The following MYOF variants were observed in gnomAD, a reference collection of about 807,000 sequenced individuals.
The protein encoded by MYOF is myoferlin.
A neutral mutation model predicts 284.2 loss-of-function variants in MYOF; 244 were observed. The observed-to-expected ratio is 0.86, with a 90% CI of 0.77 to 0.95. The LOEUF is 0.95. Ranked by LOEUF, MYOF falls within the 40% of genes least tolerant of loss-of-function variation. The pLI is 0.00. For missense variants in MYOF, 2,496 were observed against 2,560.6 expected, an observed-to-expected ratio of 0.97 and a Z score of 0.54; for synonymous variants, 904 against 919.7, an observed-to-expected ratio of 0.98 and a Z score of 0.31.
At chr10:93,326,373 C>T (rs1014571835) in intron 45 of MYOF, among the ~76,000 whole-genome samples, 10 of 152,122 alleles carry the variant, frequency 6.6e-5, no homozygotes, top group African/African-American at 2.2e-4. Context: ...CCCATAAATC[C>T]CTCCTGGGTA....
chr10:93,306,799 G>A lies in MYOF; in HGVS notation c.*164C>T. The stretch of plus-strand genomic sequence containing the variant: ...TGATGCAAACGTTGCTTGTTGGCCT[G>A]ACTTTCCAGGACTAAGACCCTCTGG... On this transcript the variant is annotated 3_prime_UTR_variant, in exon 54 of 54. Coordinates refer to ENST00000359263, the MANE Select transcript of MYOF (RefSeq NM_013451.4). 1.4e-6 allele frequency: 1 copy of A among 694,060 alleles called. No individual in the cohort carries two copies. Among genetic ancestry groups the A allele is most frequent in the Middle Eastern group, 2.5e-4 (1 of 4,062 alleles). 43.0% of individuals were successfully genotyped at this position (694,060 alleles called of 1,614,324 possible).
intron 51 of MYOF, among the ~76,000 whole-genome samples, chr10:93,311,365 TTTGGGAGGCTGAG>T (rs774804522): frequency 1.3e-4 from 20 of 152,062 alleles, no homozygotes; most frequent in Non-Finnish European, 2.9e-4. Flanking sequence ...ATCCCAGTGC[TTTGGGAGGCTGAG>T]GCGGGAGGAT....
intron 18 of MYOF, 92 bp downstream of exon 18, chr10:93,388,938 C>T: frequency 6.7e-7 from 1 of 1,487,354 alleles, no homozygotes; most frequent in Non-Finnish European, 9.1e-7. Context: ...GAGTATGAAA[C>T]TTCTATCCTG....
At chr10:93,376,741 T>C (rs1429173817) in intron 22 of MYOF, among the ~76,000 whole-genome samples, 1 of 152,182 alleles carries the variant, frequency 6.6e-6, no homozygotes, top group Non-Finnish European at 1.5e-5. Flanking sequence ...TTGATTTCCA[T>C]ATGCTAAAAG....
Position 93,306,810 on chromosome 10 carries a change from A to C in MYOF, c.*153T>G, listed in dbSNP as rs186309977. The C allele has an allele frequency of 7.6e-4, 589 of 775,118 alleles. 3 individuals carry two copies. The African/African-American group carries it at 9.7e-3, about 13-fold the overall frequency. The allele number at this position is 775,118 out of a possible 1,614,324, so 48.0% of individuals were successfully genotyped here. A position where few individuals can be genotyped will look rare whatever the true frequency, so the allele number is the denominator to read the frequency against. On this transcript the variant is annotated 3_prime_UTR_variant, in exon 54 of 54. Coordinates refer to ENST00000359263, the MANE Select transcript of MYOF (RefSeq NM_013451.4). ...TTGCTTGTTGGCCTGACTTTCCAGG[A>C]CTAAGACCCTCTGGGAATCAATGGG...
chr10:93,335,997 T>C lies in MYOF; in HGVS notation c.4487A>G (p.Asp1496Gly), dbSNP rs778465404. The C allele has an allele frequency of 4.3e-6, 7 of 1,614,044 alleles. No homozygotes were observed. The highest frequency in any genetic ancestry group is 2.2e-5 in the South Asian group (2 of 91,072). Residue 1496 changes from aspartate to glycine, a missense_variant, in exon 41 of 54, where the codon GAC becomes GGC. Physicochemically the swap from Asp to Gly is moderately conservative, Grantham distance 94. Transcript: ENST00000359263. Reference sequence around the variant, plus strand: ...GTACAACTTGAACGTATCTGAGAAGTCTGTCAGGCCCTCAAATTCTGCTAC... The same window carrying C: ...GTACAACTTGAACGTATCTGAGAAGCCTGTCAGGCCCTCAAATTCTGCTAC... The part of the protein sequence containing the change: ...ENVAEFEGLT[D>G]FSDTFKLYRG...
chr10:93,374,887 C>T lies in MYOF; in HGVS notation c.2177G>A (p.Arg726Gln), dbSNP rs41296137. 1.4e-4 allele frequency: 218 copies of T among 1,614,106 alleles called. No individual in the cohort carries two copies. Among genetic ancestry groups the T allele is most frequent in the Admixed American group, 2.2e-4 (13 of 60,018 alleles). Residue 726 changes from arginine (R) to glutamine (Q), a missense_variant, in exon 23 of 54, where the codon CGG (arginine) becomes CAG (glutamine). Transcript: ENST00000359263. The part of the protein sequence containing the change: ...TVLDTQIRKL[R>Q]SRSLSQIHEA... ...ATGTATTTGGGAGAGAGACCTGGACCGCAGCTTTCGGATCTGAGTATCGAG... is the reference window on the plus strand; with the variant it reads ...ATGTATTTGGGAGAGAGACCTGGACTGCAGCTTTCGGATCTGAGTATCGAG...
At chr10:93,369,305 A>C (rs35769104) in intron 25 of MYOF, among the ~76,000 whole-genome samples, 36,418 of 151,332 alleles carry the variant, frequency 0.24, 5,747 homozygotes, top group East Asian at 0.85. Context: ...CAGCATCAGG[A>C]ACCAATAAGA....
chr10:93,363,624 C>T (rs1038707684), intron 27 of MYOF, among the ~76,000 whole-genome samples: 4 of 152,228 alleles, frequency 2.6e-5, no homozygotes, highest in African/African-American at 4.8e-5. Flanking sequence ...TATGATCGCA[C>T]CACTGCGTTC....
chr10:93,404,245 T>G, intron 7 of MYOF, 26 bp from the exon 8 acceptor site: 1 of 1,612,010 alleles, frequency 6.2e-7, no homozygotes, highest in Non-Finnish European at 8.5e-7. Context: ...AGCAGATGTT[T>G]AAATGTTAAC....
At chr10:93,480,724 C>T (rs1346521863) in intron 1 of MYOF, among the ~76,000 whole-genome samples, 1 of 152,110 alleles carries the variant, frequency 6.6e-6, no homozygotes, top group Non-Finnish European at 1.5e-5. Flanking sequence ...GATCCACCCA[C>T]CTCAGCCTCC....
At chr10:93,384,646 GAAA>G (rs74741758) in intron 19 of MYOF, among the ~76,000 whole-genome samples, 100 of 142,668 alleles carry the variant, frequency 7.0e-4, no homozygotes, top group Middle Eastern at 3.6e-3. Context: ...CTCTGTCTCA[GAAA>G]AAAAAAAAAA....
intron 1 of MYOF, among the ~76,000 whole-genome samples, chr10:93,472,205 G>T (rs1380629885): frequency 2.0e-5 from 3 of 152,184 alleles, no homozygotes; most frequent in African/African-American, 4.8e-5. Context: ...TCAGAGAGTT[G>T]CTAAGAACCT....
intron 19 of MYOF, among the ~76,000 whole-genome samples, chr10:93,386,204 T>C (rs1483988697): frequency 6.6e-6 from 1 of 152,218 alleles, no homozygotes; most frequent in African/African-American, 2.4e-5. Flanking sequence ...CACGGAGGCC[T>C]CCAAGTGGTT....
chr10:93,482,151 G>C lies in MYOF; in HGVS notation c.44C>G (p.Thr15Arg). 6.2e-7 allele frequency: 1 copy of C among 1,614,128 alleles called. No individual in the cohort carries two copies. Among genetic ancestry groups the C allele is most frequent in the South Asian group, 1.1e-5 (1 of 91,084 alleles). The change falls in exon 1 of 54, where the codon ACG becomes AGG. Residue 15 changes from threonine to arginine, a missense_variant. Physicochemically the swap from Thr to Arg is moderately conservative, Grantham distance 71. This residue lies in a region of MYOF where 57 missense variants were observed against 62.4 expected (regional missense o/e 0.91). Coordinates refer to ENST00000359263, the MANE Select transcript of MYOF (RefSeq NM_013451.4). Reference protein sequence around the residue: ...IVESASNIPKTKFGKPDPIVS... With the variant: ...IVESASNIPKRKFGKPDPIVS... ...AATAGGATCCGGCTTGCCAAATTTC[G>C]TTTTAGGGATATTGCTGGCAGATTC...
At chr10:93,390,941 G>A (rs148467725) in intron 17 of MYOF, among the ~76,000 whole-genome samples, 1 of 152,294 alleles carries the variant, frequency 6.6e-6, no homozygotes, top group African/African-American at 2.4e-5. Flanking sequence ...GATGCAACTT[G>A]TCAAAAGTCC....
In MYOF at chr10:93,392,955, T is replaced by A; in HGVS notation, c.1418A>T (p.Asp473Val). ...AGCCCCAGTTCCCGAAGATGAGAAA[T>A]CTATATAGTAAAAATATGACTGGTT... is the stretch of plus-strand genomic sequence containing the variant. ...KIAASGGEVE[D>V]FSSSGTGAAS... Residue 473 changes from aspartate (D) to valine (V), a missense_variant and splice_region_variant, in exon 17 of 54, where the codon GAT becomes GTT. By Grantham distance (152) the Asp-to-Val change is radical (BLOSUM62 -3). This residue lies in a region of MYOF where 2,436 missense variants were observed against 2,480.7 expected (regional missense o/e 0.98). Coordinates refer to ENST00000359263, the MANE Select transcript of MYOF (RefSeq NM_013451.4). The A allele has an allele frequency of 6.2e-7, 1 of 1,610,838 alleles. No individual in the cohort carries two copies. The highest frequency in any genetic ancestry group is 1.3e-5 in the African/African-American group (1 of 74,886).
Position 93,316,804 on chromosome 10 carries a change from A to G in MYOF, c.5608T>C (p.Trp1870Arg), listed in dbSNP as rs1391855108. The part of the protein sequence containing the change: ...LCIVAKKEHF[W>R]SIDQTEFRIP... ...CGAAATTCCGTTTGGTCAATACTCC[A>G]GAAATGCTCCTAAAACAAAAAGAAA... The change falls in exon 50 of 54, where the codon TGG (tryptophan) becomes CGG (arginine). Residue 1870 changes from tryptophan (W) to arginine (R), a missense_variant. By Grantham distance (101) the Trp-to-Arg change is moderately radical. This residue lies in a region of MYOF where 2,436 missense variants were observed against 2,480.7 expected (regional missense o/e 0.98). Coordinates refer to ENST00000359263, the MANE Select transcript of MYOF (RefSeq NM_013451.4). 12 of 1,613,128 alleles carry G rather than the reference A, an allele frequency of 7.4e-6. No homozygotes were observed. In the East Asian group the frequency reaches 2.5e-4, roughly 33 times the overall value.
At position 93,351,186 on chromosome 10, in the gene MYOF, G is replaced by T. The variant is rs1283182497; in HGVS notation, c.3921+11C>A. 1 of 1,612,914 alleles carries T rather than the reference G, an allele frequency of 6.2e-7. No homozygotes were observed. Among genetic ancestry groups the T allele is most frequent in the Non-Finnish European group, 8.5e-7 (1 of 1,178,966 alleles). On this transcript the variant is annotated intron_variant, in intron 35 of 53. Coordinates refer to ENST00000359263, the MANE Select transcript of MYOF (RefSeq NM_013451.4). ...TTTGATTTGATGAGTAACACGTGGG[G>T]AGCAGCATACCTCAATGGCAGTGAG...
Sources: allele counts gnomAD v4.1 joint callset (sites outside exome capture counted in the v4.1 genomes callset), GRCh38; gene constraint gnomAD v4.1.1; regional missense constraint gnomAD v4.1.1; transcripts MANE v1.5; gene names NCBI Gene and HGNC (gene_info 2026-07-23, HGNC 2026-07-21).